SLC35D4: variants seen among roughly 807,000 people sequenced by gnomAD.
SLC35D4 encodes UDP-N-acetylglucosamine transporter SLC35D4.
At chr18:23,432,025 C>T in the SLC35D4 span, among the ~76,000 whole-genome samples, 1 of 152,166 alleles carries the variant, frequency 6.6e-6, no homozygotes, top group Non-Finnish European at 1.5e-5. Context: ...TGGCTAACTG[C>T]TTATGCGTTG....
the SLC35D4 span, chr18:23,373,675 A>G: frequency 7.5e-6 from 12 of 1,609,404 alleles, no homozygotes; most frequent in South Asian, 2.2e-5. Flanking sequence ...AGAGAATAAA[A>G]GACACTTTGA....
the SLC35D4 span, among the ~76,000 whole-genome samples, chr18:23,336,196 T>TC: frequency 2.6e-5 from 4 of 152,164 alleles, no homozygotes; most frequent in Non-Finnish European, 5.9e-5. Flanking sequence ...AAACTGTATT[T>TC]CCCCTCCCAC....
At chr18:23,343,891 G>C in the SLC35D4 span, among the ~76,000 whole-genome samples, 1 of 150,676 alleles carries the variant, frequency 6.6e-6, no homozygotes, top group Non-Finnish European at 1.5e-5. Context: ...CAAAGGACAT[G>C]ATCTCATTCT....
chr18:23,325,634 A>C, the SLC35D4 span, among the ~76,000 whole-genome samples: 2 of 152,234 alleles, frequency 1.3e-5, no homozygotes, highest in East Asian at 3.8e-4. Flanking sequence ...TTCCAAAGAA[A>C]GCAGAGAGCC....
the SLC35D4 span, among the ~76,000 whole-genome samples, chr18:23,314,919 TTATTTAAACAGATTTTGG>T: frequency 6.6e-6 from 1 of 152,248 alleles, no homozygotes; most frequent in Non-Finnish European, 1.5e-5. Context: ...AACCTCTGTG[TTATTTAAACAGATTTTGG>T]TATTTAAAGC....
chr18:23,404,013 G>A, the SLC35D4 span, among the ~76,000 whole-genome samples: 30 of 152,138 alleles, frequency 2.0e-4, no homozygotes, highest in African/African-American at 6.7e-4. Flanking sequence ...AGCTGCTCGG[G>A]AGGCTCAGGC....
chr18:23,398,713 A>G, the SLC35D4 span, among the ~76,000 whole-genome samples: 30 of 152,332 alleles, frequency 2.0e-4, no homozygotes, highest in African/African-American at 7.0e-4. Flanking sequence ...TTGTTATCCA[A>G]TTAGGCAGAT....
chr18:23,241,596 TGATA>T, the SLC35D4 span, among the ~76,000 whole-genome samples: 2 of 152,200 alleles, frequency 1.3e-5, no homozygotes, highest in Non-Finnish European at 2.9e-5. Flanking sequence ...CTCCTCCTGT[TGATA>T]GATATTTGTT....
At chr18:23,377,750 G>A in the SLC35D4 span, 1 of 1,299,800 alleles carries the variant, frequency 7.7e-7, no homozygotes, top group South Asian at 1.7e-5. Flanking sequence ...TTTTGATCAA[G>A]AGGCAAATAA....
At chr18:23,260,844 A>G in the SLC35D4 span, among the ~76,000 whole-genome samples, 3 of 152,126 alleles carry the variant, frequency 2.0e-5, no homozygotes, top group African/African-American at 7.2e-5. Context: ...ACCAACACCA[A>G]TGTCAATAAA....
the SLC35D4 span, among the ~76,000 whole-genome samples, chr18:23,365,329 G>A: frequency 6.6e-6 from 1 of 152,154 alleles, no homozygotes. Flanking sequence ...AATTCAGGAC[G>A]CTTGGAAAAG....
the SLC35D4 span, among the ~76,000 whole-genome samples, chr18:23,372,085 G>A: frequency 6.8e-6 from 1 of 148,076 alleles, no homozygotes; most frequent in Non-Finnish European, 1.5e-5. Flanking sequence ...ACAGGCGCCC[G>A]CCACTACGCC....
chr18:23,373,748 CAGG>C, the SLC35D4 span: 2 of 1,612,748 alleles, frequency 1.2e-6, no homozygotes, highest in Non-Finnish European at 8.5e-7. Flanking sequence ...CTGCTGCGGC[CAGG>C]AGGAGGAGGG....
At chr18:23,246,465 C>T in the SLC35D4 span, among the ~76,000 whole-genome samples, 3 of 151,958 alleles carry the variant, frequency 2.0e-5, no homozygotes, top group Non-Finnish European at 2.9e-5. Flanking sequence ...GATCTTGGCT[C>T]ACTGCAAGCT....
the SLC35D4 span, among the ~76,000 whole-genome samples, chr18:23,240,165 C>T: frequency 5.3e-5 from 8 of 152,068 alleles, no homozygotes; most frequent in African/African-American, 1.7e-4. Flanking sequence ...AAGGGTTGGA[C>T]GTGGGCCCCA....
At chr18:23,285,723 T>TA in the SLC35D4 span, among the ~76,000 whole-genome samples, 2 of 151,894 alleles carry the variant, frequency 1.3e-5, no homozygotes, top group South Asian at 4.2e-4. Context: ...CCAGGCTAAG[T>TA]CCCAATTCTT....
At chr18:23,305,608 T>C in the SLC35D4 span, among the ~76,000 whole-genome samples, 1 of 152,202 alleles carries the variant, frequency 6.6e-6, no homozygotes, top group African/African-American at 2.4e-5. Flanking sequence ...TAAATGGTTA[T>C]TATTATTAAA....
At chr18:23,371,360 G>T in the SLC35D4 span, 1 of 1,361,118 alleles carries the variant, frequency 7.3e-7, no homozygotes, top group Non-Finnish European at 9.8e-7. Flanking sequence ...CTCCCAAAGT[G>T]CTGGGATTCC....
chr18:23,321,126 T>C, the SLC35D4 span, among the ~76,000 whole-genome samples: 1 of 152,194 alleles, frequency 6.6e-6, no homozygotes, highest in African/African-American at 2.4e-5. Flanking sequence ...AATCAACAAC[T>C]ATCCTCCTCC....
Sources: gnomAD v4.1 joint callset for allele counts (sites outside exome capture counted in the v4.1 genomes callset) on GRCh38, gnomAD v4.1.1 for gene constraint, MANE v1.5 for transcripts, NCBI Gene and HGNC (gene_info 2026-07-23, HGNC 2026-07-21) for gene names.